The following ULK4 variants were observed in gnomAD, a reference collection of about 807,000 sequenced individuals.
The protein encoded by ULK4 is inactive serine/threonine-protein kinase ULK4.
In ULK4, 133 loss-of-function variants were observed where a neutral mutation model predicts 160.6. That is an observed-to-expected ratio of 0.83 (90% CI 0.72 to 0.96). The LOEUF is 0.96. Ranked by LOEUF, ULK4 falls within the 40% of genes least tolerant of loss-of-function variation. ULK4 has a pLI of 0.00. For synonymous variants in ULK4, 534 were observed against 539.8 expected, an observed-to-expected ratio of 0.99 and a Z score of 0.15; for missense variants, 1,580 against 1,499.5, an observed-to-expected ratio of 1.05 and a Z score of -0.89.
intron 35 of ULK4, among the ~76,000 whole-genome samples, chr3:41,388,415 T>C (rs1375843495): frequency 6.6e-6 from 1 of 152,022 alleles, no homozygotes; most frequent in African/African-American, 2.4e-5. Context: ...TTGGTTGCCA[T>C]TGCTTTTGGT....
At chr3:41,776,637 G>C (rs1046653228) in intron 21 of ULK4, among the ~76,000 whole-genome samples, 3 of 142,360 alleles carry the variant, frequency 2.1e-5, no homozygotes, top group African/African-American at 8.2e-5. Flanking sequence ...ATGAAGGGTT[G>C]TTGAATTTTG....
intron 30 of ULK4, among the ~76,000 whole-genome samples, chr3:41,654,989 A>G (rs1187097488): frequency 6.6e-6 from 1 of 152,130 alleles, no homozygotes; most frequent in Non-Finnish European, 1.5e-5. Context: ...AGAAGCATCA[A>G]ATTATTTCTG....
intron 30 of ULK4, among the ~76,000 whole-genome samples, chr3:41,642,166 G>A (rs1398504374): frequency 2.0e-5 from 3 of 151,974 alleles, no homozygotes; most frequent in African/African-American, 2.4e-5. Flanking sequence ...GACCCACTGC[G>A]CCCAGCCAAT....
chr3:41,654,069 AAAC>A (rs1249663971), intron 30 of ULK4, among the ~76,000 whole-genome samples: 2 of 152,250 alleles, frequency 1.3e-5, no homozygotes, highest in African/African-American at 4.8e-5. Flanking sequence ...TGTTAAAAGA[AAAC>A]AACGAGAAAA....
At chr3:41,786,030 C>T (rs9840037) in intron 21 of ULK4, among the ~76,000 whole-genome samples, 45,126 of 151,990 alleles carry the variant, frequency 0.3, 9,311 homozygotes, top group African/African-American at 0.59. Context: ...CTCAGAGAGG[C>T]CTTCCCTGAC....
chr3:41,311,877 C>CATATATATATATATATATATAT (rs143621818), intron 35 of ULK4, among the ~76,000 whole-genome samples: 23 of 146,622 alleles, frequency 1.6e-4, no homozygotes, highest in African/African-American at 5.5e-4. Flanking sequence ...AAACTCTCCT[C>CATATATATATATATATATATAT]ATATATATAT....
intron 35 of ULK4, among the ~76,000 whole-genome samples, chr3:41,391,286 G>C (rs1183516263): frequency 1.3e-5 from 2 of 152,038 alleles, no homozygotes; most frequent in East Asian, 3.9e-4. Flanking sequence ...TCCTCTCATG[G>C]TTTTAGGAAA....
chr3:41,268,816 A>G (rs868667035), intron 35 of ULK4, among the ~76,000 whole-genome samples: 1 of 145,134 alleles, frequency 6.9e-6, no homozygotes, highest in Non-Finnish European at 1.6e-5. Context: ...ACACACACAA[A>G]AAAAAAAAAA....
At chr3:41,752,670 T>C (rs1049917005) in intron 22 of ULK4, among the ~76,000 whole-genome samples, 1 of 152,202 alleles carries the variant, frequency 6.6e-6, no homozygotes, top group Non-Finnish European at 1.5e-5. Flanking sequence ...TGAGTTGATT[T>C]TGTTATTTGG....
rs71075484 is a variant in ULK4, at chr3:41,794,660, C to CAAAAAAAAAAAAAAAAAAAAAA, written c.2011-4839_2011-4818dup. On this transcript the variant is annotated intron_variant, in intron 20 of 36. Transcript: ENST00000301831. ...TGGGTGACAGAGCAAGACTCTGTCT[C>CAAAAAAAAAAAAAAAAAAAAAA]AAAAAAAAAAAAAAAAAAAAAAAAA... 1.1e-3 allele frequency among the ~76,000 whole-genome samples: 21 copies of CAAAAAAAAAAAAAAAAAAAAAA among 18,984 alleles called. 2 individuals are homozygous for CAAAAAAAAAAAAAAAAAAAAAA. Among genetic ancestry groups the CAAAAAAAAAAAAAAAAAAAAAA allele is most frequent in the African/African-American group, 1.4e-3 (8 of 5,708 alleles). 12.5% of individuals were successfully genotyped at this position (18,984 alleles called of 152,430 possible).
chr3:41,639,396 C>T (rs1416758243), intron 30 of ULK4, among the ~76,000 whole-genome samples: 3 of 152,058 alleles, frequency 2.0e-5, no homozygotes, highest in African/African-American at 7.2e-5. Flanking sequence ...TCAAAGAAGA[C>T]AAAAAGAAAA....
intron 11 of ULK4, among the ~76,000 whole-genome samples, chr3:41,909,897 A>T (rs1344982226): frequency 6.6e-6 from 1 of 151,778 alleles, no homozygotes; most frequent in Non-Finnish European, 1.5e-5. Context: ...TTTACATACT[A>T]CTAAATTTTT....
chr3:41,581,250 G>C (rs1335560180), intron 31 of ULK4, among the ~76,000 whole-genome samples: 1 of 152,104 alleles, frequency 6.6e-6, no homozygotes, highest in African/African-American at 2.4e-5. Flanking sequence ...TATTGGCCAG[G>C]GTAGGTGGGT....
intron 35 of ULK4, among the ~76,000 whole-genome samples, chr3:41,267,265 T>G (rs1575374394): frequency 6.6e-6 from 1 of 152,132 alleles, no homozygotes; most frequent in Non-Finnish European, 1.5e-5. Context: ...CATGCAATAT[T>G]TGGTCTTCTG....
At chr3:41,329,927 C>T (rs2080410276) in intron 35 of ULK4, among the ~76,000 whole-genome samples, 1 of 152,150 alleles carries the variant, frequency 6.6e-6, no homozygotes, top group Admixed American at 6.5e-5. Context: ...AGATTACTGA[C>T]CTGAATTAAA....
intron 35 of ULK4, among the ~76,000 whole-genome samples, chr3:41,312,945 TACAA>T (rs2080079364): frequency 6.6e-6 from 1 of 152,056 alleles, no homozygotes; most frequent in Non-Finnish European, 1.5e-5. Context: ...GAGCTCATCA[TACAA>T]ACAAATAAAT....
At chr3:41,310,747 C>T (rs913735824) in intron 35 of ULK4, among the ~76,000 whole-genome samples, 2 of 152,090 alleles carry the variant, frequency 1.3e-5, no homozygotes, top group African/African-American at 4.8e-5. Context: ...AATCCCAGCA[C>T]TCTGGGAGGC....
intron 35 of ULK4, among the ~76,000 whole-genome samples, chr3:41,346,206 CAT>C (rs2080796868): frequency 6.6e-6 from 1 of 152,164 alleles, no homozygotes; most frequent in Non-Finnish European, 1.5e-5. Flanking sequence ...GCTCAGTAAA[CAT>C]TGACTGAGCG....
chr3:41,736,707 T>C (rs1290679201), intron 22 of ULK4, among the ~76,000 whole-genome samples: 3 of 151,102 alleles, frequency 2.0e-5, no homozygotes, highest in South Asian at 2.1e-4. Flanking sequence ...TTAGATCCCA[T>C]TTGTCAATTT....
Sources: gnomAD v4.1 joint callset for allele counts (sites outside exome capture counted in the v4.1 genomes callset) on GRCh38, gnomAD v4.1.1 for gene constraint, MANE v1.5 for transcripts, NCBI Gene and HGNC (gene_info 2026-07-23, HGNC 2026-07-21) for gene names.